Variants in RMDN1 observed in about 807,000 individuals in gnomAD.
RMDN1 encodes the protein regulator of microtubule dynamics protein 1.
In RMDN1, 48 loss-of-function variants were observed where a neutral mutation model predicts 48.9. The ratio of observed to expected loss-of-function variants is 0.98; its 90% CI spans 0.78 to 1.25. The LOEUF (loss-of-function observed/expected upper bound fraction) is 1.25. Among genes scored for constraint, RMDN1 ranks in the 50% most tolerant of loss-of-function variants. The pLI, the probability that RMDN1 is intolerant of heterozygous loss-of-function variation, is 0.00. For synonymous variants in RMDN1, 148 were observed against 132.6 expected, an observed-to-expected ratio of 1.12 and a Z score of -0.80; for missense variants, 418 against 373.4, an observed-to-expected ratio of 1.12 and a Z score of -0.98.
chr8:86,509,383 A>G (rs1819919311), upstream of RMDN1, among the ~76,000 whole-genome samples: 1 of 152,178 alleles, frequency 6.6e-6, no homozygotes, highest in Admixed American at 6.6e-5. Flanking sequence ...CGAGTAAAAT[A>G]AAATTTCTTG....
At chr8:86,501,766 A>G (rs905435982) in intron 2 of RMDN1, among the ~76,000 whole-genome samples, 1 of 152,196 alleles carries the variant, frequency 6.6e-6, no homozygotes, top group African/African-American at 2.4e-5. Context: ...TGATAAGATA[A>G]TAAGACTTGT....
intron 2 of RMDN1, among the ~76,000 whole-genome samples, chr8:86,489,384 A>G (rs1457594473): frequency 6.6e-6 from 1 of 152,224 alleles, no homozygotes; most frequent in Non-Finnish European, 1.5e-5. Flanking sequence ...AATGAAAAAA[A>G]CAGTCTGAAT....
At chr8:86,512,544 G>A (rs573622397), upstream of RMDN1, among the ~76,000 whole-genome samples, 6 of 152,268 alleles carry the variant, frequency 3.9e-5, no homozygotes, top group African/African-American at 1.4e-4. Context: ...CAGATCCCCA[G>A]TCTAAATAAG....
At chr8:86,471,084 A>G (rs1254935129), downstream of RMDN1, among the ~76,000 whole-genome samples, 2 of 151,352 alleles carry the variant, frequency 1.3e-5, no homozygotes, top group Non-Finnish European at 2.9e-5. Context: ...AGGTTTTGCT[A>G]TTGTACTACA....
intron 8 of RMDN1, 86 bp from the exon 9 acceptor site, chr8:86,475,039 T>A: frequency 8.4e-7 from 1 of 1,187,872 alleles, no homozygotes; most frequent in Non-Finnish European, 1.2e-6. Context: ...TAAATTTCAA[T>A]AAATTTGTGT....
At chr8:86,494,926 A>C (rs1274391772) in intron 2 of RMDN1, 1 of 440,824 alleles carries the variant, frequency 2.3e-6, no homozygotes, top group South Asian at 1.6e-5. Flanking sequence ...GTGAGCTGAG[A>C]TCGCACCTCC....
At chr8:86,503,385 A>AAAAAAAAAAAACAAAAC (rs1554594088) in intron 2 of RMDN1, among the ~76,000 whole-genome samples, 7 of 81,086 alleles carry the variant, frequency 8.6e-5, no homozygotes, top group African/African-American at 4.8e-4. Flanking sequence ...AAAAAAAAAA[A>AAAAAAAAAAAACAAAAC]AAAACAAAAA....
downstream of RMDN1, among the ~76,000 whole-genome samples, chr8:86,470,941 C>T (rs1341907764): frequency 6.6e-6 from 1 of 152,070 alleles, no homozygotes; most frequent in African/African-American, 2.4e-5. Flanking sequence ...CGGAACAGGT[C>T]TGTATCTTGA....
At chr8:86,482,528 A>G (rs1421078200) in intron 5 of RMDN1, 1 of 706,778 alleles carries the variant, frequency 1.4e-6, no homozygotes, top group Non-Finnish European at 2.6e-6. Flanking sequence ...TAATCATAGT[A>G]TCACTAAGTG....
intron 5 of RMDN1, among the ~76,000 whole-genome samples, chr8:86,484,436 G>A (rs116373362): frequency 2.0e-5 from 3 of 152,064 alleles, no homozygotes; most frequent in South Asian, 2.1e-4. Context: ...ACAAACTGTC[G>A]GCTGGGCACA....
intron 1 of RMDN1, 91 bp downstream of exon 1, chr8:86,508,401 G>A: frequency 2.2e-6 from 3 of 1,378,352 alleles, no homozygotes; most frequent in Non-Finnish European, 2.9e-6. Flanking sequence ...ACATTCCTTA[G>A]GCAGCGCGGG....
rs931765245 is a variant in RMDN1 at position 86,474,092 on chromosome 8, T to G, written c.*216A>C. ...TATCCAGGATGCAAAATAATCTCTT[T>G]GCCTGAGCCATGGAGATTTATTTCT... is the stretch of plus-strand genomic sequence containing the variant. On this transcript the variant is annotated 3_prime_UTR_variant, in exon 10 of 10. Coordinates refer to ENST00000406452, the MANE Select transcript of RMDN1 (RefSeq NM_016033.3). 2.0e-4 allele frequency: 252 copies of G among 1,283,886 alleles called. No homozygotes were observed. Among genetic ancestry groups the G allele is most frequent in the Middle Eastern group, 9.2e-4 (3 of 3,258 alleles). The allele number at this position is 1,283,886 out of a possible 1,614,324, so 79.5% of individuals were successfully genotyped here.
chr8:86,481,159 C>T (rs982361879), intron 5 of RMDN1, among the ~76,000 whole-genome samples: 1 of 152,144 alleles, frequency 6.6e-6, no homozygotes, highest in African/African-American at 2.4e-5. Flanking sequence ...GTGAGGTACA[C>T]ATTTTCAAAT....
At chr8:86,489,757 G>A (rs1011728291) in intron 2 of RMDN1, among the ~76,000 whole-genome samples, 15 of 150,390 alleles carry the variant, frequency 1.0e-4, no homozygotes, top group Non-Finnish European at 2.2e-4. Context: ...TTGAACCCGG[G>A]AAGCAGAGGT....
chr8:86,507,300 T>A (rs571732634), intron 1 of RMDN1, among the ~76,000 whole-genome samples, 188 bp from the exon 2 acceptor site: 18 of 152,148 alleles, frequency 1.2e-4, no homozygotes, highest in Middle Eastern at 3.4e-3. Flanking sequence ...GAAAAAGATA[T>A]CCCCTGGAGT....
rs997568408 is a variant in RMDN1 at position 86,472,407 on chromosome 8, G to A, written c.*1901C>T. On this transcript the variant is annotated 3_prime_UTR_variant, in exon 10 of 10. Coordinates refer to ENST00000406452, the MANE Select transcript of RMDN1 (RefSeq NM_016033.3). ...TAAAGGAAAAAACCCATTTTAAAAA[G>A]CCATCCAGCAGAATGCCACATCCCT... 44 of 702,210 alleles carry A rather than the reference G, an allele frequency of 6.3e-5. No individual in the cohort carries two copies. Among genetic ancestry groups the A allele is most frequent in the Non-Finnish European group, 1.0e-4 (39 of 384,934 alleles). The allele number at this position is 702,210 out of a possible 1,614,324, so 43.5% of individuals were successfully genotyped here.
chr8:86,503,385 A>AACAAAAC (rs1818685673), intron 2 of RMDN1, among the ~76,000 whole-genome samples: 1 of 81,094 alleles, frequency 1.2e-5, no homozygotes, highest in African/African-American at 6.8e-5. Context: ...AAAAAAAAAA[A>AACAAAAC]AAAACAAAAA....
chr8:86,472,698 ATAT>A lies in RMDN1; in HGVS notation c.*1607_*1609del, dbSNP rs1812741985. On this transcript the variant is annotated 3_prime_UTR_variant, in exon 10 of 10. Coordinates refer to ENST00000406452, the MANE Select transcript of RMDN1 (RefSeq NM_016033.3). ...TCCTTGTTCCTGTGCGAGTTATGTC[ATAT>A]TTTTTACTGTTAAGTACTTATGCAT... 1 of 533,414 alleles carries A rather than the reference ATAT, an allele frequency of 1.9e-6. No homozygotes were observed. Among genetic ancestry groups the A allele is most frequent in the African/African-American group, 1.9e-5 (1 of 52,236 alleles). The allele number at this position is 533,414 out of a possible 1,614,324, so 33.0% of individuals were successfully genotyped here.
intron 2 of RMDN1, chr8:86,494,682 A>C (rs1817036213): frequency 4.7e-6 from 1 of 212,254 alleles, no homozygotes; most frequent in African/African-American, 2.3e-5. Flanking sequence ...GGACCTTAAA[A>C]TGTTATTTTT....
Sources: allele counts gnomAD v4.1 joint callset (sites outside exome capture counted in the v4.1 genomes callset), GRCh38; gene constraint gnomAD v4.1.1; transcripts MANE v1.5; gene names NCBI Gene and HGNC (gene_info 2026-07-23, HGNC 2026-07-21).